GFRAL: variants seen among roughly 807,000 people sequenced by gnomAD.
GFRAL encodes GDNF family receptor alpha like, also known as GDNF family receptor alpha-like.
A neutral mutation model predicts 45.4 loss-of-function variants in GFRAL; 36 were observed. The observed-to-expected ratio is 0.79, with a 90% confidence interval of 0.61 to 1.05. GFRAL has a LOEUF of 1.05. Among genes scored for constraint, GFRAL ranks in the 50% least tolerant of loss-of-function variants. GFRAL has a pLI of 0.00. For missense variants in GFRAL, 507 were observed against 467.5 expected, an observed-to-expected ratio of 1.08 and a Z score of -0.78; for synonymous variants, 166 against 154.1, an observed-to-expected ratio of 1.08 and a Z score of -0.57.
At chr6:55,339,870 A>G (rs1484677373) in intron 3 of GFRAL, among the ~76,000 whole-genome samples, 1 of 152,218 alleles carries the variant, frequency 6.6e-6, no homozygotes, top group East Asian at 1.9e-4. Flanking sequence ...TATCAACAGA[A>G]CTATACATAT....
intron 3 of GFRAL, among the ~76,000 whole-genome samples, chr6:55,338,086 T>C (rs529163193): frequency 6.6e-6 from 1 of 152,164 alleles, no homozygotes; most frequent in Non-Finnish European, 1.5e-5. Flanking sequence ...TTATGATTTA[T>C]TTTATTATTA....
At chr6:55,344,011 C>T (rs140146046) in intron 3 of GFRAL, among the ~76,000 whole-genome samples, 26 of 152,050 alleles carry the variant, frequency 1.7e-4, no homozygotes, top group Non-Finnish European at 3.1e-4. Flanking sequence ...CTGCATAGAC[C>T]AATAACAAGC....
chr6:55,343,386 C>G, intron 3 of GFRAL, among the ~76,000 whole-genome samples: 1 of 152,174 alleles, frequency 6.6e-6, no homozygotes, highest in South Asian at 2.1e-4. Flanking sequence ...CTCCAAACCG[C>G]TCAATTACAT....
chr6:55,350,392 A>C (rs7743404), intron 4 of GFRAL, among the ~76,000 whole-genome samples: 60,666 of 151,958 alleles, frequency 0.4, 13,291 homozygotes, highest in Non-Finnish European at 0.51. Context: ...ACCAAATACT[A>C]GGTTGGGCAC....
chr6:55,399,842 A>G (rs1768873003), intron 8 of GFRAL, among the ~76,000 whole-genome samples: 1 of 152,126 alleles, frequency 6.6e-6, no homozygotes, highest in Non-Finnish European at 1.5e-5. Flanking sequence ...TTACCTGAAG[A>G]TGTATTCTTC....
intron 6 of GFRAL, among the ~76,000 whole-genome samples, chr6:55,368,685 G>T (rs957522027): frequency 5.3e-5 from 8 of 152,036 alleles, no homozygotes; most frequent in African/African-American, 1.9e-4. Context: ...CTGCAGATCT[G>T]TTGGAGTACC....
chr6:55,376,940 A>G (rs1768542614), intron 6 of GFRAL, among the ~76,000 whole-genome samples: 1 of 151,916 alleles, frequency 6.6e-6, no homozygotes, highest in South Asian at 2.1e-4. Flanking sequence ...ACCTACAAGT[A>G]GTCGGCTTTT....
At chr6:55,351,135 A>C in intron 4 of GFRAL, 118 bp from the exon 5 acceptor site, 1 of 727,014 alleles carries the variant, frequency 1.4e-6, no homozygotes, top group Non-Finnish European at 2.4e-6. Flanking sequence ...GTTTGCCAAA[A>C]ATAGGACATT....
At chr6:55,363,342 A>G (rs1768303413) in intron 6 of GFRAL, among the ~76,000 whole-genome samples, 1 of 152,036 alleles carries the variant, frequency 6.6e-6, no homozygotes, top group Non-Finnish European at 1.5e-5. Context: ...AAGGCAATCA[A>G]ACTATACTTA....
At chr6:55,332,382 T>C (rs1767841686) in intron 2 of GFRAL, among the ~76,000 whole-genome samples, 1 of 151,982 alleles carries the variant, frequency 6.6e-6, no homozygotes, top group African/African-American at 2.4e-5. Flanking sequence ...GAGTTGAGAA[T>C]GTGAAGATTG....
intron 8 of GFRAL, among the ~76,000 whole-genome samples, chr6:55,401,167 C>A (rs1410821606): frequency 6.6e-6 from 1 of 152,024 alleles, no homozygotes; most frequent in African/African-American, 2.4e-5. Flanking sequence ...TATTTTAAAG[C>A]AAATTATTCA....
In GFRAL at chr6:55,349,978, G is replaced by A; in HGVS notation, c.317-114G>A. ...AAATACATGTTACATAACCTTGTAT[G>A]TACTTTTGCTTGAATATATGTGGAC... On this transcript the variant is annotated intron_variant, in intron 3 of 8. Transcript: ENST00000340465. 6 of 695,080 alleles carry A rather than the reference G, an allele frequency of 8.6e-6. No homozygotes were observed. The Admixed American group carries it at 1.3e-4, about 15-fold the overall frequency. 43.1% of individuals were successfully genotyped at this position (695,080 alleles called of 1,614,324 possible). A position where few individuals can be genotyped will look rare whatever the true frequency, so the allele number is the denominator to read the frequency against.
chr6:55,396,742 T>G (rs1411791860), intron 6 of GFRAL, among the ~76,000 whole-genome samples: 1 of 152,146 alleles, frequency 6.6e-6, no homozygotes, highest in Non-Finnish European at 1.5e-5. Context: ...AAATTTCTCA[T>G]TTTTCCCCTT....
intron 6 of GFRAL, among the ~76,000 whole-genome samples, chr6:55,391,296 C>T (rs973944089): frequency 1.3e-5 from 2 of 152,098 alleles, no homozygotes; most frequent in Non-Finnish European, 2.9e-5. Context: ...ATTTAATCCT[C>T]TTCATTTTTT....
intron 6 of GFRAL, among the ~76,000 whole-genome samples, chr6:55,363,572 T>A (rs1184677879): frequency 1.1e-5 from 1 of 91,444 alleles, no homozygotes; most frequent in African/African-American, 4.5e-5. Flanking sequence ...TATCTCCCGA[T>A]GCTATCCCTC....
chr6:55,333,695 T>C (rs1268529915), intron 2 of GFRAL, 91 bp from the exon 3 acceptor site: 4 of 682,952 alleles, frequency 5.9e-6, no homozygotes, highest in Non-Finnish European at 9.0e-6. Flanking sequence ...TAATTAATTA[T>C]TCAGGTTAAT....
chr6:55,375,118 T>C (rs1768507040), intron 6 of GFRAL, among the ~76,000 whole-genome samples: 1 of 152,172 alleles, frequency 6.6e-6, no homozygotes, highest in Non-Finnish European at 1.5e-5. Context: ...CTTTTTTTGC[T>C]CCATATGAAT....
At chr6:55,380,578 G>A (rs1768595309) in intron 6 of GFRAL, among the ~76,000 whole-genome samples, 1 of 151,822 alleles carries the variant, frequency 6.6e-6, no homozygotes, top group Admixed American at 6.6e-5. Flanking sequence ...ATCCACATTT[G>A]GGAAAACCCA....
intron 6 of GFRAL, among the ~76,000 whole-genome samples, chr6:55,388,797 C>T (rs1768711653): frequency 6.6e-6 from 1 of 152,126 alleles, no homozygotes; most frequent in South Asian, 2.1e-4. Flanking sequence ...TGTTTTTCTT[C>T]AGTTGGTAAA....
Sources: gnomAD v4.1 joint callset for allele counts (sites outside exome capture counted in the v4.1 genomes callset) on GRCh38, gnomAD v4.1.1 for gene constraint, MANE v1.5 for transcripts, NCBI Gene and HGNC (gene_info 2026-07-23, HGNC 2026-07-21) for gene names.